Variants in KIAA1671 observed in about 807,000 individuals in gnomAD.
KIAA1671 encodes uncharacterized protein KIAA1671.
A neutral mutation model predicts 131.2 loss-of-function variants in KIAA1671; 52 were observed. The observed-to-expected ratio is 0.40, with a 90% CI of 0.32 to 0.50. The LOEUF is 0.50. Ranked by LOEUF, KIAA1671 falls within the 20% of genes least tolerant of loss-of-function variation. KIAA1671 has a pLI of 0.73. For synonymous variants in KIAA1671, 1,003 were observed against 961.6 expected (o/e 1.04, Z -0.80); for missense variants, 2,360 against 2,364.2 (o/e 1.00, Z 0.04).
chr22:25,115,567 G>A (rs531894000), intron 6 of KIAA1671, among the ~76,000 whole-genome samples: 40 of 152,174 alleles, frequency 2.6e-4, no homozygotes, highest in Non-Finnish European at 4.0e-4. Context: ...CTGAATAAAT[G>A]TTCGTTCCAC....
In KIAA1671 at chr22:25,049,310, G is replaced by A. The variant is rs973204577; in HGVS notation, c.4476G>A (p.Ser1492=). Residue 1492 remains serine, a synonymous_variant, in exon 6 of 13, where the codon TCG becomes TCA. Coordinates refer to ENST00000358431, the MANE Select transcript of KIAA1671 (RefSeq NM_001145206.2). ...TCCAGCAGGTGTCCCCTGTGGCCTC[G>A]GTTCCCTGGAGAAGCCACAGCTTCT... is the stretch of plus-strand genomic sequence containing the variant. ...RPLQQVSPVA[S]VPWRSHSFCK... is the part of the protein sequence containing the mutation. 34 of 1,551,560 alleles carry A rather than the reference G, an allele frequency of 2.2e-5. No homozygotes were observed. The highest frequency in any genetic ancestry group is 2.9e-5 in the Non-Finnish European group (33 of 1,146,926).
chr22:24,982,490 A>G (rs577748483), intron 1 of KIAA1671, among the ~76,000 whole-genome samples: 4 of 152,138 alleles, frequency 2.6e-5, no homozygotes, highest in Non-Finnish European at 5.9e-5. Context: ...TGCCTCCCAC[A>G]CTCATCAATG....
chr22:25,136,586 GT>G (rs1385132825), intron 6 of KIAA1671, among the ~76,000 whole-genome samples: 1 of 152,132 alleles, frequency 6.6e-6, no homozygotes, highest in Non-Finnish European at 1.5e-5. Context: ...AATCCTGCCC[GT>G]TTTTGCCTCC....
Position 25,040,781 on chromosome 22 carries a change from G to T in KIAA1671, c.3651G>T (p.Gly1217=). 1 of 1,551,784 alleles carries T rather than the reference G, an allele frequency of 6.4e-7. No homozygotes were observed. The highest frequency in any genetic ancestry group is 1.2e-5 in the South Asian group (1 of 84,054). Residue 1217 remains glycine (G), a synonymous_variant, in exon 5 of 13, where the codon GGG becomes GGT. Transcript: ENST00000358431. ...EYQELSLKVP[G]EAQERRSPTV... ...AGGAGCTGTCGCTGAAAGTCCCTGG[G>T]GAGGCTCAGGAGAGGAGGAGTCCCA...
intron 6 of KIAA1671, among the ~76,000 whole-genome samples, chr22:25,069,548 T>C (rs1423150208): frequency 6.6e-6 from 1 of 152,052 alleles, no homozygotes; most frequent in Non-Finnish European, 1.5e-5. Flanking sequence ...CCAGGAATCA[T>C]GGCTGGGAGG....
At chr22:25,061,703 T>G (rs1287412610) in intron 6 of KIAA1671, 1 of 152,258 alleles carries the variant, frequency 6.6e-6, no homozygotes, top group Non-Finnish European at 1.5e-5. Flanking sequence ...GGCAGGGCTG[T>G]AGTTGGGATT....
At chr22:25,070,371 G>A (rs1397913303) in intron 6 of KIAA1671, 5 of 504,180 alleles carry the variant, frequency 9.9e-6, no homozygotes, top group Non-Finnish European at 1.8e-5. Flanking sequence ...TGGAAATGGA[G>A]TATTACTACT....
At chr22:25,016,554 A>G (rs934498465) in intron 1 of KIAA1671, among the ~76,000 whole-genome samples, 2 of 152,196 alleles carry the variant, frequency 1.3e-5, no homozygotes, top group African/African-American at 4.8e-5. Flanking sequence ...GGGCTGGCCC[A>G]AAGCCGTCAC....
chr22:24,956,024 C>CAAAAAA (rs1167493018), intron 1 of KIAA1671, among the ~76,000 whole-genome samples: 1 of 51,888 alleles, frequency 1.9e-5, no homozygotes, highest in Non-Finnish European at 4.0e-5. Flanking sequence ...GACTCCGTCT[C>CAAAAAA]AAAAAAAAAA....
intron 6 of KIAA1671, among the ~76,000 whole-genome samples, chr22:25,078,924 A>G (rs1929249947): frequency 6.6e-6 from 1 of 152,154 alleles, no homozygotes; most frequent in Non-Finnish European, 1.5e-5. Flanking sequence ...TCTATTCCCT[A>G]CTGGGCCACT....
At chr22:25,121,920 C>T (rs1362757341) in intron 6 of KIAA1671, among the ~76,000 whole-genome samples, 1 of 152,168 alleles carries the variant, frequency 6.6e-6, no homozygotes, top group African/African-American at 2.4e-5. Flanking sequence ...AGTTGTCCCT[C>T]AGGGGCCAGG....
At chr22:25,030,038 C>T (rs551664514) in intron 3 of KIAA1671, among the ~76,000 whole-genome samples, 1 of 152,298 alleles carries the variant, frequency 6.6e-6, no homozygotes, top group South Asian at 2.1e-4. Flanking sequence ...TGATATTCTA[C>T]GTCATTTGGT....
chr22:25,085,311 G>A (rs1929646791), intron 6 of KIAA1671, among the ~76,000 whole-genome samples: 1 of 152,232 alleles, frequency 6.6e-6, no homozygotes, highest in South Asian at 2.1e-4. Flanking sequence ...CAACACTGCT[G>A]CTGGCAGTTT....
chr22:24,989,521 A>G (rs1923725904), intron 1 of KIAA1671, among the ~76,000 whole-genome samples: 1 of 152,118 alleles, frequency 6.6e-6, no homozygotes, highest in South Asian at 2.1e-4. Context: ...TGCTGTAACA[A>G]GGGAGCTAGG....
intron 1 of KIAA1671, among the ~76,000 whole-genome samples, chr22:24,996,352 C>A (rs930761884): frequency 3.3e-5 from 5 of 152,114 alleles, no homozygotes; most frequent in Admixed American, 2.6e-4. Flanking sequence ...AGACCCTCCC[C>A]ACATGTGCAC....
In KIAA1671 at chr22:25,131,979, ATTG is replaced by A. The variant is rs551591392; in HGVS notation, c.4531-38833_4531-38831del. Among the ~76,000 whole-genome samples the A allele has an allele frequency of 1.1e-4, 16 of 152,306 alleles. No individual in the cohort carries two copies. In the South Asian group the frequency reaches 3.3e-3, roughly 32 times the overall value. ...TGGCCATTAGGAACACCTGTTAGCC[ATTG>A]TTGTTGTGATTATGGTGGTGGTGAT... On this transcript the variant is annotated intron_variant, in intron 6 of 12. Coordinates refer to ENST00000358431, the MANE Select transcript of KIAA1671 (RefSeq NM_001145206.2).
intron 6 of KIAA1671, among the ~76,000 whole-genome samples, chr22:25,143,205 AG>A (rs2145964120): frequency 6.6e-6 from 1 of 152,342 alleles, no homozygotes; most frequent in South Asian, 2.1e-4. Flanking sequence ...CCAGTCAGCC[AG>A]GGGAAGAAGG....
rs530891795 is a variant in KIAA1671, at chr22:25,106,826, C to T, written c.4530+57462C>T. Among the ~76,000 whole-genome samples the T allele has an allele frequency of 7.2e-5, 11 of 152,374 alleles. No homozygotes were observed. In the East Asian group the frequency reaches 2.1e-3, roughly 29 times the overall value. On this transcript the variant is annotated intron_variant, in intron 6 of 12. Coordinates refer to ENST00000358431, the MANE Select transcript of KIAA1671 (RefSeq NM_001145206.2). The stretch of plus-strand genomic sequence containing the variant: ...TTTTTCCTTTTGCCTCTGGCGCCAG[C>T]ATGGCTTGCACTGCACTGAGCAAGT...
chr22:25,045,300 C>T (rs1314750571), intron 5 of KIAA1671, among the ~76,000 whole-genome samples: 7 of 152,222 alleles, frequency 4.6e-5, no homozygotes, highest in African/African-American at 1.7e-4. Flanking sequence ...AATTTTGCCC[C>T]TGGGGCACAT....
Sources: allele counts gnomAD v4.1 joint callset (sites outside exome capture counted in the v4.1 genomes callset), GRCh38; gene constraint gnomAD v4.1.1; transcripts MANE v1.5; gene names NCBI Gene and HGNC (gene_info 2026-07-23, HGNC 2026-07-21).